Variants in RBFOX3 observed in about 807,000 individuals in gnomAD.
RBFOX3 encodes RNA binding protein fox-1 homolog 3.
A neutral mutation model predicts 48.7 loss-of-function variants in RBFOX3; 17 were observed. The ratio of observed to expected loss-of-function variants is 0.35; its 90% confidence interval spans 0.24 to 0.52. The LOEUF (loss-of-function observed/expected upper bound fraction) is 0.52. Among genes scored for constraint, RBFOX3 ranks in the 20% least tolerant of loss-of-function variants. RBFOX3 has a pLI of 0.94. For missense variants in RBFOX3, 382 were observed against 497.5 expected, an observed-to-expected ratio of 0.77 and a Z score of 2.21; for synonymous variants, 212 against 209.5, an observed-to-expected ratio of 1.01 and a Z score of -0.10.
the RBFOX3 span, among the ~76,000 whole-genome samples, chr17:79,631,968 G>A: frequency 1.2e-4 from 19 of 152,276 alleles, no homozygotes; most frequent in Middle Eastern, 3.4e-3. Context: ...GCAGAGCTCC[G>A]TGTCATCCGC....
chr17:79,226,522 G>A (rs777014787), intron 4 of RBFOX3, among the ~76,000 whole-genome samples: 6 of 152,192 alleles, frequency 3.9e-5, no homozygotes, highest in Non-Finnish European at 8.8e-5. Flanking sequence ...TCAAGAGAAC[G>A]CATGGGGTCT....
At chr17:79,273,287 G>A (rs934993084) in intron 3 of RBFOX3, among the ~76,000 whole-genome samples, 9 of 152,220 alleles carry the variant, frequency 5.9e-5, no homozygotes, top group African/African-American at 2.2e-4. Context: ...TTGCACTCTT[G>A]TCATTTTTTA....
chr17:79,655,770 T>C, the RBFOX3 span, among the ~76,000 whole-genome samples: 1 of 152,178 alleles, frequency 6.6e-6, no homozygotes, highest in East Asian at 1.9e-4. Flanking sequence ...TGTCCAAATC[T>C]GACCTCAAAA....
chr17:79,500,034 G>A (rs2149717078), intron 1 of RBFOX3, among the ~76,000 whole-genome samples: 1 of 152,254 alleles, frequency 6.6e-6, no homozygotes, highest in East Asian at 1.9e-4. Context: ...CCAAGCCTAG[G>A]CGAGAAGAAG....
chr17:79,119,390 C>G (rs2703538), intron 4 of RBFOX3, among the ~76,000 whole-genome samples: 4 of 152,122 alleles, frequency 2.6e-5, no homozygotes, highest in African/African-American at 4.8e-5. Flanking sequence ...GCTAATAAAA[C>G]CGAGGTGTAG....
the RBFOX3 span, among the ~76,000 whole-genome samples, chr17:79,656,683 GGGAAGGAA>G: frequency 1.1e-3 from 44 of 39,606 alleles, 1 homozygote; most frequent in African/African-American, 2.2e-3. Flanking sequence ...GAAGGAAGGA[GGGAAGGAA>G]GGAAGGAAGG....
rs530398898 is a variant in RBFOX3, at chr17:79,397,073, C to T, written c.-175+85381G>A. On this transcript the variant is annotated intron_variant, in intron 2 of 14. Transcript: ENST00000693108. ...TGGATTTGGGAATAAAGAAATACAG[C>T]TTTGTCACTTTCACAGCATCAGTGT... is the stretch of plus-strand genomic sequence containing the variant. 3.7e-4 allele frequency among the ~76,000 whole-genome samples: 57 copies of T among 152,360 alleles called. No homozygotes were observed. In the Middle Eastern group the frequency reaches 0.017, roughly 45 times the overall value.
At chr17:79,322,147 G>C (rs1168248548) in intron 2 of RBFOX3, among the ~76,000 whole-genome samples, 1 of 152,216 alleles carries the variant, frequency 6.6e-6, no homozygotes, top group Admixed American at 6.5e-5. Flanking sequence ...GGTGTGATGA[G>C]GAGGGGCAAG....
chr17:79,462,446 C>T (rs1369485971), intron 2 of RBFOX3, among the ~76,000 whole-genome samples: 1 of 152,226 alleles, frequency 6.6e-6, no homozygotes, highest in Non-Finnish European at 1.5e-5. Flanking sequence ...GTCTTACGCA[C>T]AGTTAGCCCT....
chr17:79,162,066 T>C (rs898502624), intron 4 of RBFOX3, among the ~76,000 whole-genome samples: 2 of 152,118 alleles, frequency 1.3e-5, no homozygotes, highest in African/African-American at 4.8e-5. Flanking sequence ...CTGCTGAGAA[T>C]TGGGAGCCAG....
rs529453509 is a variant in RBFOX3 at position 79,513,739 on chromosome 17, G to A, written c.-319-31141C>T. On this transcript the variant is annotated intron_variant, in intron 1 of 14. Transcript: ENST00000693108. ...ACAAGCTTGCCTACCAGAAAGAACCGTCAGTGAGGCGGTACAGGCGCTGGG... is the reference window on the plus strand; with the variant it reads ...ACAAGCTTGCCTACCAGAAAGAACCATCAGTGAGGCGGTACAGGCGCTGGG... 1.1e-3 allele frequency among the ~76,000 whole-genome samples: 169 copies of A among 152,306 alleles called. 1 individual carries two copies. Among genetic ancestry groups the A allele is most frequent in the African/African-American group, 3.7e-3 (152 of 41,560 alleles).
chr17:79,277,622 T>C (rs886911699), intron 3 of RBFOX3, among the ~76,000 whole-genome samples: 1 of 152,208 alleles, frequency 6.6e-6, no homozygotes, highest in African/African-American at 2.4e-5. Context: ...CCAGGCTCAC[T>C]GCCTGGACAG....
rs1252065367 is a variant in RBFOX3 at position 79,390,547 on chromosome 17, G to A, written c.-174-82723C>T. Among the ~76,000 whole-genome samples, 4 of 151,464 alleles carry A rather than the reference G, an allele frequency of 2.6e-5. No homozygotes were observed. Among genetic ancestry groups the A allele is most frequent in the Non-Finnish European group, 5.9e-5 (4 of 67,962 alleles). On this transcript the variant is annotated intron_variant, in intron 2 of 14. Coordinates refer to ENST00000693108, the MANE Select transcript of RBFOX3 (RefSeq NM_001350451.2). This position sits in a 1 kb window ranked among gnomAD's most constrained non-coding sequence, Gnocchi z 4.2. Reference sequence around the variant, plus strand: ...GGCTGGAGTGCAGTGGCACAATCTCGGCTCACTACAACGTCTGCCTCTCAG... The same window carrying A: ...GGCTGGAGTGCAGTGGCACAATCTCAGCTCACTACAACGTCTGCCTCTCAG...
rs1416122618 is a variant in RBFOX3 at position 79,249,762 on chromosome 17, C to T, written c.-73-13957G>A. Among the ~76,000 whole-genome samples, 1 of 152,160 alleles carries T rather than the reference C, an allele frequency of 6.6e-6. No individual in the cohort carries two copies. The highest frequency in any genetic ancestry group is 2.4e-5 in the African/African-American group (1 of 41,424). ...ACCCCCATTCCCTCTGCCTCCCGAC[C>T]AAACCTGGTACCTCCCTGTGTGTCC... On this transcript the variant is annotated intron_variant, in intron 3 of 14. Coordinates refer to ENST00000693108, the MANE Select transcript of RBFOX3 (RefSeq NM_001350451.2). This position sits in a 1 kb window ranked among gnomAD's most constrained non-coding sequence, Gnocchi z 4.1.
chr17:79,542,793 G>A (rs904497499), intron 1 of RBFOX3, among the ~76,000 whole-genome samples: 24 of 152,118 alleles, frequency 1.6e-4, no homozygotes, highest in Non-Finnish European at 3.4e-4. Context: ...AAAATAAAAG[G>A]ATTTTTTTTT....
chr17:79,461,900 T>G (rs1252253926), intron 2 of RBFOX3, among the ~76,000 whole-genome samples: 1 of 152,192 alleles, frequency 6.6e-6, no homozygotes, highest in Admixed American at 6.5e-5. Flanking sequence ...CCCCAGAAGG[T>G]GCAAGGGGCA....
In RBFOX3 at chr17:79,254,490, G is replaced by A. The variant is rs2064460914; in HGVS notation, c.-73-18685C>T. Reference sequence around the variant, plus strand: ...ACTGACCTCTGAACATAGATGGAGGGAAGCCCTTGAGTTGCTAAGCCTGTA... The same window carrying A: ...ACTGACCTCTGAACATAGATGGAGGAAAGCCCTTGAGTTGCTAAGCCTGTA... On this transcript the variant is annotated intron_variant, in intron 3 of 14. Coordinates refer to ENST00000693108, the MANE Select transcript of RBFOX3 (RefSeq NM_001350451.2). This position sits in a 1 kb window ranked among gnomAD's most constrained non-coding sequence, Gnocchi z 4.8. Among the ~76,000 whole-genome samples the A allele has an allele frequency of 6.6e-6, 1 of 152,124 alleles. No individual in the cohort carries two copies. The highest frequency in any genetic ancestry group is 1.5e-5 in the Non-Finnish European group (1 of 68,036).
intron 1 of RBFOX3, among the ~76,000 whole-genome samples, chr17:79,531,033 C>T (rs1265486261): frequency 7.9e-5 from 12 of 152,340 alleles, no homozygotes; most frequent in South Asian, 2.1e-4. Context: ...ACCCTAAGGT[C>T]GCTGGGGCTT....
At chr17:79,245,558 G>A (rs918299088) in intron 3 of RBFOX3, among the ~76,000 whole-genome samples, 2 of 148,318 alleles carry the variant, frequency 1.3e-5, no homozygotes, top group Non-Finnish European at 2.9e-5. Flanking sequence ...TCCTTTGTGA[G>A]GCTGAGTGAT....
Sources: gnomAD v4.1 joint callset for allele counts (sites outside exome capture counted in the v4.1 genomes callset) on GRCh38, gnomAD v4.1.1 for gene constraint, Gnocchi (gnomAD v3.1) non-coding constraint, MANE v1.5 for transcripts, NCBI Gene and HGNC (gene_info 2026-07-23, HGNC 2026-07-21) for gene names.